Variants in SEC14L5 observed in about 807,000 individuals in gnomAD.
SEC14L5 encodes the protein SEC14 like lipid binding 5.
Under a neutral mutation model 84.6 loss-of-function variants are expected in SEC14L5, and 96 were observed. The ratio of observed to expected loss-of-function variants is 1.13; its 90% CI spans 0.96 to 1.34. The LOEUF (loss-of-function observed/expected upper bound fraction) is 1.34. SEC14L5 is among the 40% of genes most tolerant of loss of function. SEC14L5 has a pLI of 0.00. For synonymous variants in SEC14L5, 546 were observed against 383.4 expected (o/e 1.42, Z -4.95); for missense variants, 1,224 against 942.5 (o/e 1.30, Z -3.91).
At chr16:4,992,858 G>A (rs1489067038) in intron 6 of SEC14L5, among the ~76,000 whole-genome samples, 3 of 152,196 alleles carry the variant, frequency 2.0e-5, no homozygotes, top group African/African-American at 4.8e-5. Context: ...ACACACATAT[G>A]TGTGTACATG....
In SEC14L5 at chr16:4,988,248, C is replaced by G. The variant is rs1048164104; in HGVS notation, c.313C>G (p.Arg105Gly). ...AGCGCACAATGAGACCTTCGCCAAC[C>G]GCGTGGTGGTGAACGAGCACTGCAG... The part of the protein sequence containing the change: ...IEAHNETFAN[R>G]VVVNEHCSYT... Residue 105 changes from arginine (R) to glycine (G), a missense_variant, in exon 4 of 16, where the codon CGC (arginine) becomes GGC (glycine). Transcript: ENST00000251170. The G allele has an allele frequency of 6.2e-7, 1 of 1,613,800 alleles. No individual in the cohort carries two copies.
rs759978709 is a variant in SEC14L5, at chr16:4,991,863, T to G, written c.500T>G (p.Leu167Arg). ...GGGAAGGAGGTGATTGAGCATTACC[T>G]GAATGAGCTCATCTCCCAGGGTACC... ...KRGKEVIEHYLNELISQGTSH... is the reference protein window; with the variant it reads ...KRGKEVIEHYRNELISQGTSH... The change falls in exon 6 of 16, where the codon CTG becomes CGG. Residue 167 changes from leucine (L) to arginine (R), a missense_variant. Physicochemically the swap from Leu to Arg is moderately radical, Grantham distance 102. Transcript: ENST00000251170. 2 of 1,609,230 alleles carry G rather than the reference T, an allele frequency of 1.2e-6. No homozygotes were observed. The highest frequency in any genetic ancestry group is 2.2e-5 in the South Asian group (2 of 90,240).
chr16:4,980,325 T>C (rs978279587), intron 2 of SEC14L5, among the ~76,000 whole-genome samples: 2 of 152,206 alleles, frequency 1.3e-5, no homozygotes, highest in Admixed American at 6.5e-5. Context: ...TGTCACTGGA[T>C]ACTGGGAGAA....
chr16:4,995,391 G>A (rs965783591), intron 6 of SEC14L5, among the ~76,000 whole-genome samples: 6 of 152,300 alleles, frequency 3.9e-5, no homozygotes, highest in Admixed American at 3.3e-4. Flanking sequence ...TGCACAGTGG[G>A]AATGTTCCCT....
rs1423119772 is a variant in SEC14L5, at chr16:4,996,884, C to T, written c.810C>T (p.Phe270=). The change falls in exon 8 of 16, where the codon TTC becomes TTT. Residue 270 remains phenylalanine, a synonymous_variant. Transcript: ENST00000251170. ...CCAAAGATGAGCACATCCTTCGGTT[C>T]CTGCGGGCTCATGACTTCCACCTGG... ...KIPKDEHILR[F]LRAHDFHLDK... 3 of 1,613,342 alleles carry T rather than the reference C, an allele frequency of 1.9e-6. No individual in the cohort carries two copies. The highest frequency in any genetic ancestry group is 1.7e-5 in the Admixed American group (1 of 59,868).
intron 2 of SEC14L5, among the ~76,000 whole-genome samples, chr16:4,982,568 G>C (rs1285491273): frequency 6.6e-6 from 1 of 152,156 alleles, no homozygotes; most frequent in Non-Finnish European, 1.5e-5. Context: ...ACAGAGCCTG[G>C]GGCTGACCTG....
At chr16:4,983,299 C>T (rs547016443) in intron 2 of SEC14L5, among the ~76,000 whole-genome samples, 7 of 151,848 alleles carry the variant, frequency 4.6e-5, no homozygotes, top group Non-Finnish European at 1.0e-4. Flanking sequence ...CAGGCATGAG[C>T]CACTGCTCAC....
intron 15 of SEC14L5, among the ~76,000 whole-genome samples, chr16:5,013,405 G>C (rs914001396): frequency 2.0e-5 from 3 of 151,868 alleles, no homozygotes; most frequent in Admixed American, 1.3e-4. Flanking sequence ...TTTATTTTTG[G>C]AGACAGAGTC....
intron 11 of SEC14L5, among the ~76,000 whole-genome samples, chr16:5,004,611 G>C (rs1955711350): frequency 6.6e-6 from 1 of 152,102 alleles, no homozygotes; most frequent in African/African-American, 2.4e-5. Flanking sequence ...CTGGGGGTCA[G>C]CCTCAGCCTC....
intron 9 of SEC14L5, 33 bp downstream of exon 9, chr16:5,000,776 C>T (rs769422718): frequency 9.3e-5 from 145 of 1,555,908 alleles, no homozygotes; most frequent in Non-Finnish European, 1.2e-4. Flanking sequence ...GGACGCCGTG[C>T]CTGGGGCCGG....
In SEC14L5 at chr16:5,016,143, C is replaced by G. The variant is rs1271079196; in HGVS notation, c.*1173C>G. On this transcript the variant is annotated 3_prime_UTR_variant, in exon 16 of 16. Coordinates refer to ENST00000251170, the MANE Select transcript of SEC14L5 (RefSeq NM_014692.2). ...GTCTCAACATGGAGTCTCGATTCCC[C>G]CCGCGAGTGGAGGCTGCTGTGTTTG... 1 of 152,168 alleles carries G rather than the reference C, an allele frequency of 6.6e-6. No homozygotes were observed. The highest frequency in any genetic ancestry group is 2.4e-5 in the African/African-American group (1 of 41,412). The allele number at this position is 152,168 out of a possible 1,614,324, so 9.4% of individuals were successfully genotyped here. A position where few individuals can be genotyped will look rare whatever the true frequency, so the allele number is the denominator to read the frequency against.
chr16:5,011,193 T>A lies in SEC14L5; in HGVS notation c.1899T>A (p.Asp633Glu). ...CCTGCAGCCTCCCGGGTGTGGACGA[T>A]GTCCTGACGGCTCTGCACAGCCCCG... ...SVACSLPGVD[D>E]VLTALHSPGP... is the part of the protein sequence containing the mutation. The change falls in exon 15 of 16, where the codon GAT becomes GAA. Residue 633 changes from aspartate to glutamate, a missense_variant. Physicochemically the swap from Asp to Glu is conservative, Grantham distance 45 (BLOSUM62 2). Coordinates refer to ENST00000251170, the MANE Select transcript of SEC14L5 (RefSeq NM_014692.2). 3.1e-6 allele frequency: 5 copies of A among 1,613,774 alleles called. No individual in the cohort carries two copies. The highest frequency in any genetic ancestry group is 4.2e-6 in the Non-Finnish European group (5 of 1,179,852).
chr16:5,001,425 A>C (rs900977196), intron 10 of SEC14L5, among the ~76,000 whole-genome samples: 1 of 151,422 alleles, frequency 6.6e-6, no homozygotes, highest in Non-Finnish European at 1.5e-5. Flanking sequence ...CGCCTGACTA[A>C]TTTTTTTGTA....
chr16:4,996,731 C>T (rs1955614586), intron 7 of SEC14L5, 124 bp from the exon 8 acceptor site: 1 of 759,858 alleles, frequency 1.3e-6, no homozygotes, highest in Non-Finnish European at 2.1e-6. Context: ...ACCACCACGC[C>T]TGGCTAATTT....
intron 2 of SEC14L5, among the ~76,000 whole-genome samples, chr16:4,982,640 G>C (rs1228309896): frequency 2.0e-5 from 3 of 152,204 alleles, no homozygotes; most frequent in African/African-American, 4.8e-5. Context: ...ATGGAATCCA[G>C]CTTAACCTCC....
intron 6 of SEC14L5, among the ~76,000 whole-genome samples, chr16:4,996,067 G>A (rs527730085): frequency 3.5e-4 from 53 of 152,266 alleles, no homozygotes; most frequent in South Asian, 2.3e-3. Context: ...TCCCCAGAGG[G>A]TGGGAATTAT....
intron 2 of SEC14L5, among the ~76,000 whole-genome samples, chr16:4,979,475 G>A (rs1235040332): frequency 6.6e-5 from 10 of 152,204 alleles, no homozygotes; most frequent in Admixed American, 1.3e-4. Flanking sequence ...AGTGAGCCCA[G>A]TGTATGCCTC....
chr16:4,991,008 G>C (rs1955548198), intron 5 of SEC14L5, 113 bp downstream of exon 5: 1 of 806,032 alleles, frequency 1.2e-6, no homozygotes, highest in Non-Finnish European at 1.8e-6. Flanking sequence ...AGTGTTATCT[G>C]TTAAATGGGT....
intron 15 of SEC14L5, among the ~76,000 whole-genome samples, chr16:5,014,510 A>G (rs888320833): frequency 2.0e-5 from 3 of 152,258 alleles, no homozygotes; most frequent in African/African-American, 7.2e-5. Context: ...GGCCACTGCA[A>G]GAGCTAGGAG....
Sources: gnomAD v4.1 joint callset for allele counts (sites outside exome capture counted in the v4.1 genomes callset) on GRCh38, gnomAD v4.1.1 for gene constraint, MANE v1.5 for transcripts, NCBI Gene and HGNC (gene_info 2026-07-23, HGNC 2026-07-21) for gene names.